NSFL1C: variants seen among roughly 807,000 people sequenced by gnomAD.
NSFL1C encodes NSFL1 cofactor p47.
NSFL1C carries 14 observed loss-of-function variants against 43.1 expected under a neutral mutation model. The observed-to-expected ratio is 0.32, with a 90% confidence interval of 0.21 to 0.51. The LOEUF (loss-of-function observed/expected upper bound fraction) is 0.51, where lower values mean the gene tolerates loss of function less well. NSFL1C is among the 20% of genes least tolerant of loss of function. NSFL1C has a pLI of 0.98. For synonymous variants in NSFL1C, 171 were observed against 183.5 expected (o/e 0.93, Z 0.55); for missense variants, 406 against 472.5 (o/e 0.86, Z 1.30).
chr20:1,445,092 C>G (rs2090030902), intron 8 of NSFL1C, among the ~76,000 whole-genome samples: 1 of 152,250 alleles, frequency 6.6e-6, no homozygotes, highest in South Asian at 2.1e-4. Context: ...ACCTCTCCTA[C>G]TAGTCTCTTC....
chr20:1,447,425 GTTT>G (rs112797476), intron 7 of NSFL1C, among the ~76,000 whole-genome samples: 4 of 138,330 alleles, frequency 2.9e-5, no homozygotes, highest in Admixed American at 7.2e-5. Flanking sequence ...AATGTTATGA[GTTT>G]TTTTTTTTTT....
In NSFL1C at chr20:1,453,041, T is replaced by A. The variant is rs772779945; in HGVS notation, c.637A>T (p.Ile213Phe). ...GGCTTTTTCACTCACCCTCTGCGGATAGACTCCAGAAACTGGGCATTGGAT... is the reference window on the plus strand; with the variant it reads ...GGCTTTTTCACTCACCCTCTGCGGAAAGACTCCAGAAACTGGGCATTGGAT... ...DPSNAQFLES[I>F]RRGEVPAELR... is the part of the protein sequence containing the mutation. The change falls in exon 6 of 9, where the codon ATC becomes TTC. Residue 213 changes from isoleucine (I) to phenylalanine (F), a missense_variant. Around this residue, in one of 3 missense-constraint regions of NSFL1C, gnomAD observed 196 missense variants for 228.0 expected, o/e 0.86. Transcript: ENST00000216879. The A allele has an allele frequency of 6.2e-7, 1 of 1,604,326 alleles. No homozygotes were observed. Among genetic ancestry groups the A allele is most frequent in the East Asian group, 2.2e-5 (1 of 44,844 alleles).
chr20:1,452,757 A>G (rs2090210748), intron 6 of NSFL1C, 127 bp from the exon 7 acceptor site: 3 of 1,162,034 alleles, frequency 2.6e-6, no homozygotes, highest in South Asian at 2.9e-5. Flanking sequence ...GGAGCAGGCT[A>G]CTCTGGTGGC....
Position 1,464,391 on chromosome 20 carries a change from A to G in NSFL1C, c.141T>C (p.Asp47=). The G allele has an allele frequency of 6.2e-7, 1 of 1,614,272 alleles. No individual in the cohort carries two copies. The highest frequency in any genetic ancestry group is 1.3e-5 in the African/African-American group (1 of 75,076). ...CCTGCGAAATGGTCACAATGTCTTC[A>G]TCCCCTCCGTCCTCATAAAAGCTCG... The part of the protein sequence containing the change: ...ALASFYEDGG[D]EDIVTISQAT... The change falls in exon 2 of 9, where the codon GAT becomes GAC. Residue 47 remains aspartate, a synonymous_variant. Coordinates refer to ENST00000216879, the MANE Select transcript of NSFL1C (RefSeq NM_016143.5).
In NSFL1C at chr20:1,464,394, C is replaced by T. The variant is rs778907995; in HGVS notation, c.138G>A (p.Gly46=). The change falls in exon 2 of 9, where the codon GGG becomes GGA. Residue 46 remains glycine (G), a synonymous_variant. Transcript: ENST00000216879. ...GCGAAATGGTCACAATGTCTTCATC[C>T]CCTCCGTCCTCATAAAAGCTCGCTA... is the stretch of plus-strand genomic sequence containing the variant. ...IALASFYEDG[G]DEDIVTISQA... is the part of the protein sequence containing the mutation. 20 of 1,614,150 alleles carry T rather than the reference C, an allele frequency of 1.2e-5. No homozygotes were observed. Among genetic ancestry groups the T allele is most frequent in the Non-Finnish European group, 1.5e-5 (18 of 1,180,058 alleles).
intron 7 of NSFL1C, among the ~76,000 whole-genome samples, chr20:1,449,667 T>C (rs2090144184): frequency 6.6e-6 from 1 of 152,182 alleles, no homozygotes; most frequent in African/African-American, 2.4e-5. Flanking sequence ...ATAGTGTTTT[T>C]TGGTGTCTCC....
At chr20:1,459,802 C>T (rs1285884170) in intron 2 of NSFL1C, among the ~76,000 whole-genome samples, 3 of 152,204 alleles carry the variant, frequency 2.0e-5, no homozygotes, top group African/African-American at 4.8e-5. Flanking sequence ...GTACTAGTTC[C>T]ACTCATTCAT....
At chr20:1,464,007 G>T (rs2090462354) in intron 2 of NSFL1C, 1 of 301,148 alleles carries the variant, frequency 3.3e-6, no homozygotes, top group East Asian at 5.9e-5. Context: ...CACATCTATA[G>T]CACCCTTGAA....
At chr20:1,460,539 C>CA (rs1433751942) in intron 2 of NSFL1C, among the ~76,000 whole-genome samples, 1 of 152,144 alleles carries the variant, frequency 6.6e-6, no homozygotes, top group African/African-American at 2.4e-5. Flanking sequence ...TCAGAAAGTT[C>CA]AATTTTTCAA....
In NSFL1C at chr20:1,445,472, C is replaced by G. The variant is rs550779081; in HGVS notation, c.950+194G>C. Among the ~76,000 whole-genome samples the G allele has an allele frequency of 2.0e-5, 3 of 152,270 alleles. No individual in the cohort carries two copies. The South Asian group carries it at 6.2e-4, about 32-fold the overall frequency. ...CAGGGGGAAGTGAACAGTCACTGGC[C>G]ACACTAATGGAAGAGTGGGGACCAG... On this transcript the variant is annotated intron_variant, in intron 8 of 8. Transcript: ENST00000216879.
intron 4 of NSFL1C, 32 bp downstream of exon 4, chr20:1,454,935 C>CT: frequency 6.3e-7 from 1 of 1,598,796 alleles, no homozygotes; most frequent in Non-Finnish European, 8.6e-7. Context: ...AATCTCAGTC[C>CT]TGTGGGCACA....
In NSFL1C at chr20:1,452,554, C is replaced by A; in HGVS notation, c.724G>T (p.Asp242Tyr). 6.2e-7 allele frequency: 1 copy of A among 1,614,174 alleles called. No individual in the cohort carries two copies. Among genetic ancestry groups the A allele is most frequent in the Non-Finnish European group, 8.5e-7 (1 of 1,180,032 alleles). ...NLDMEDHRDE[D>Y]FVKPKGAFKA... ...AAGGCTCCTTTGGGCTTCACAAAGT[C>A]CTCGTCCCGATGGTCCTCCATATCC... is the stretch of plus-strand genomic sequence containing the variant. Residue 242 changes from aspartate to tyrosine, a missense_variant, in exon 7 of 9, where the codon GAC becomes TAC. Coordinates refer to ENST00000216879, the MANE Select transcript of NSFL1C (RefSeq NM_016143.5).
rs149683952 is a variant in NSFL1C at position 1,442,557 on chromosome 20, T to C, written c.*1192A>G. On this transcript the variant is annotated 3_prime_UTR_variant, in exon 9 of 9. Coordinates refer to ENST00000216879, the MANE Select transcript of NSFL1C (RefSeq NM_016143.5). ...CTGGTTTGTTTAATACGGGAAAGGG[T>C]TCCATCCAAGAGCCCAATAGGCCTC... is the stretch of plus-strand genomic sequence containing the variant. 52 of 152,248 alleles carry C rather than the reference T, an allele frequency of 3.4e-4. No individual in the cohort carries two copies. Among genetic ancestry groups the C allele is most frequent in the African/African-American group, 1.2e-3 (51 of 41,524 alleles). 9.4% of individuals were successfully genotyped at this position (152,248 alleles called of 1,614,324 possible).
chr20:1,465,850 G>C (rs2090498851), intron 1 of NSFL1C, among the ~76,000 whole-genome samples: 1 of 152,146 alleles, frequency 6.6e-6, no homozygotes, highest in Admixed American at 6.5e-5. Context: ...AGCTAGTGAG[G>C]CCTTGAGCAA....
At chr20:1,455,982 T>C in intron 3 of NSFL1C, 1 of 523,702 alleles carries the variant, frequency 1.9e-6, no homozygotes, top group South Asian at 2.3e-5. Context: ...ATAAAGTTAG[T>C]ACTTTTTTAT....
chr20:1,461,409 C>A lies in NSFL1C; in HGVS notation c.203+2920G>T, dbSNP rs1433414313. On this transcript the variant is annotated intron_variant, in intron 2 of 8. Coordinates refer to ENST00000216879, the MANE Select transcript of NSFL1C (RefSeq NM_016143.5). ...GGATGGAGGTAAACATGGAAGGATG[C>A]ATGGGATTTGTATAGGCAGAAAGCA... Among the ~76,000 whole-genome samples, 11 of 152,134 alleles carry A rather than the reference C, an allele frequency of 7.2e-5. No individual in the cohort carries two copies. The South Asian group carries it at 2.3e-3, about 32-fold the overall frequency.
intron 7 of NSFL1C, among the ~76,000 whole-genome samples, chr20:1,448,600 T>G (rs577469778): frequency 6.6e-6 from 1 of 152,122 alleles, no homozygotes; most frequent in African/African-American, 2.4e-5. Context: ...CCCTAAAAAT[T>G]AGGTGAGGCA....
At chr20:1,443,955 T>C (rs1483062589) in intron 8 of NSFL1C, 44 bp from the exon 9 acceptor site, 1 of 1,575,180 alleles carries the variant, frequency 6.3e-7, no homozygotes, top group Non-Finnish European at 8.6e-7. Flanking sequence ...TCCTCTGCTG[T>C]CCATACCCCT....
rs561524320 is a variant in NSFL1C at position 1,464,530 on chromosome 20, T to C, written c.106-104A>G. The C allele has an allele frequency of 8.8e-5, 79 of 896,366 alleles. 1 individual carries two copies. The South Asian group carries it at 1.2e-3, about 14-fold the overall frequency. The allele number at this position is 896,366 out of a possible 1,614,324, so 55.5% of individuals were successfully genotyped here. A position where few individuals can be genotyped will look rare whatever the true frequency, so the allele number is the denominator to read the frequency against. On this transcript the variant is annotated intron_variant, in intron 1 of 8. Transcript: ENST00000216879. ...ACAGACATGGCCAACACTTACAAGG[T>C]AGCTTGCATCCATGGGCCAAAGAAA...
Sources: allele counts gnomAD v4.1 joint callset (sites outside exome capture counted in the v4.1 genomes callset), GRCh38; gene constraint gnomAD v4.1.1; regional missense constraint gnomAD v4.1.1; transcripts MANE v1.5; gene names NCBI Gene and HGNC (gene_info 2026-07-23, HGNC 2026-07-21).